ST18: variants seen among roughly 807,000 people sequenced by gnomAD.
ST18 encodes the protein ST18 C2H2C-type zinc finger transcription factor, also known as suppression of tumorigenicity 18 protein.
Under a neutral mutation model 110.0 loss-of-function variants are expected in ST18, and 50 were observed. That is an observed-to-expected ratio of 0.45 (90% CI 0.36 to 0.58). The LOEUF (loss-of-function observed/expected upper bound fraction) is 0.58, where lower values mean the gene tolerates loss of function less well. Ranked by LOEUF, ST18 falls within the 20% of genes least tolerant of loss-of-function variation. ST18 has a pLI of 0.00. For synonymous variants in ST18, 461 were observed against 452.4 expected (o/e 1.02, Z -0.24); for missense variants, 1,306 against 1,280.1 (o/e 1.02, Z -0.31).
chr8:52,342,783 A>G (rs1815744800), intron 2 of ST18, among the ~76,000 whole-genome samples: 1 of 152,126 alleles, frequency 6.6e-6, no homozygotes, highest in African/African-American at 2.4e-5. Flanking sequence ...ATCCACCTCA[A>G]TTGACTGTTG....
At chr8:52,121,581 T>C (rs757405738) in intron 23 of ST18, among the ~76,000 whole-genome samples, 2 of 152,188 alleles carry the variant, frequency 1.3e-5, no homozygotes, top group Non-Finnish European at 2.9e-5. Flanking sequence ...AACCATGAGG[T>C]AGAAACATTT....
intron 2 of ST18, among the ~76,000 whole-genome samples, chr8:52,308,528 C>T (rs1346027575): frequency 1.3e-5 from 2 of 152,242 alleles, no homozygotes; most frequent in African/African-American, 4.8e-5. Flanking sequence ...GTGTTCTCTC[C>T]ATTCTGCTCT....
chr8:52,269,252 T>C (rs1167842665), intron 2 of ST18, among the ~76,000 whole-genome samples: 2 of 152,194 alleles, frequency 1.3e-5, no homozygotes, highest in African/African-American at 4.8e-5. Context: ...TGATGAATTT[T>C]GTTGCAGAGA....
At chr8:52,335,590 T>C (rs963760165) in intron 2 of ST18, among the ~76,000 whole-genome samples, 27 of 152,232 alleles carry the variant, frequency 1.8e-4, no homozygotes, top group African/African-American at 5.3e-4. Flanking sequence ...ACAATATTTC[T>C]GGTAATTTTG....
chr8:52,371,903 G>C, intron 2 of ST18, among the ~76,000 whole-genome samples: 1 of 152,250 alleles, frequency 6.6e-6, no homozygotes, highest in Middle Eastern at 3.4e-3. Flanking sequence ...TATAATACTT[G>C]ATAATGATAA....
At chr8:52,271,284 A>T (rs1394147829) in intron 2 of ST18, among the ~76,000 whole-genome samples, 1 of 152,230 alleles carries the variant, frequency 6.6e-6, no homozygotes, top group Non-Finnish European at 1.5e-5. Flanking sequence ...TCTCTTCCAG[A>T]TTGCATTCCA....
Position 52,160,766 on chromosome 8 carries a change from T to C in ST18, c.1594+609A>G, listed in dbSNP as rs554408843. ...CATATTTGAGTTATGGTCTTCTATATGGATGTGTTAGCATTAAAGAATATT... is the reference window on the plus strand; with the variant it reads ...CATATTTGAGTTATGGTCTTCTATACGGATGTGTTAGCATTAAAGAATATT... On this transcript the variant is annotated intron_variant, in intron 14 of 25. Transcript: ENST00000689386. 5.9e-5 allele frequency among the ~76,000 whole-genome samples: 9 copies of C among 152,362 alleles called. No individual in the cohort carries two copies. In the South Asian group the frequency reaches 1.7e-3, roughly 28 times the overall value.
intron 2 of ST18, among the ~76,000 whole-genome samples, chr8:52,233,758 A>G (rs2092068333): frequency 6.6e-6 from 1 of 152,208 alleles, no homozygotes; most frequent in Non-Finnish European, 1.5e-5. Flanking sequence ...ACAGTGTCTC[A>G]TTAGCTGTGG....
rs1359204910 is a variant in ST18, at chr8:52,115,967, A to G, written c.3003+308T>C. Reference sequence around the variant, plus strand: ...GACATGGAATCTTCTACTTGGAAATACATTTTCACTGAGGGAGTTTTGCCC... The same window carrying G: ...GACATGGAATCTTCTACTTGGAAATGCATTTTCACTGAGGGAGTTTTGCCC... On this transcript the variant is annotated intron_variant, in intron 25 of 25. Coordinates refer to ENST00000689386, the MANE Select transcript of ST18 (RefSeq NM_001352837.2). 7.2e-5 allele frequency among the ~76,000 whole-genome samples: 11 copies of G among 152,284 alleles called. No individual in the cohort carries two copies. The South Asian group carries it at 2.3e-3, about 32-fold the overall frequency.
chr8:52,198,688 T>C (rs1324372073), intron 8 of ST18, among the ~76,000 whole-genome samples: 1 of 152,228 alleles, frequency 6.6e-6, no homozygotes, highest in Non-Finnish European at 1.5e-5. Flanking sequence ...TATGTGTGAG[T>C]GTGTATATGT....
intron 2 of ST18, among the ~76,000 whole-genome samples, chr8:52,298,857 C>T (rs1274932834): frequency 6.6e-6 from 1 of 152,134 alleles, no homozygotes; most frequent in Admixed American, 6.5e-5. Context: ...TGAAGATAAT[C>T]TCCCCTCTCT....
chr8:52,279,822 G>T (rs1009821299), intron 2 of ST18, among the ~76,000 whole-genome samples: 7 of 152,068 alleles, frequency 4.6e-5, no homozygotes, highest in East Asian at 1.9e-4. Flanking sequence ...CAAATTAAAA[G>T]ATTTTACTAC....
chr8:52,367,008 A>C (rs1429642806), intron 2 of ST18, among the ~76,000 whole-genome samples: 1 of 152,170 alleles, frequency 6.6e-6, no homozygotes, highest in Non-Finnish European at 1.5e-5. Context: ...TGAGGCGTGC[A>C]GATCACTTGA....
rs755584600 is a variant in ST18, at chr8:52,172,557, C to T, written c.304G>A (p.Glu102Lys). ...TCTTGTGCAGTTGAAAGAAGACTTT[C>T]ATCCATAGGTTTTATCATGATTTCC... Reference protein sequence around the residue: ...AEEIMIKPMDESLLSTAQENS... With the variant: ...AEEIMIKPMDKSLLSTAQENS... The change falls in exon 10 of 26, where the codon GAA (glutamate) becomes AAA (lysine). Residue 102 changes from glutamate to lysine, a missense_variant. Physicochemically the swap from Glu to Lys is moderately conservative, Grantham distance 56. Transcript: ENST00000689386. 6.3e-7 allele frequency: 1 copy of T among 1,591,064 alleles called. No individual in the cohort carries two copies. Among genetic ancestry groups the T allele is most frequent in the East Asian group, 2.2e-5 (1 of 44,672 alleles).
intron 2 of ST18, among the ~76,000 whole-genome samples, chr8:52,349,609 A>T (rs1263196172): frequency 6.6e-6 from 1 of 152,224 alleles, no homozygotes; most frequent in African/African-American, 2.4e-5. Context: ...CAAATATAAA[A>T]GTGTGAGAAT....
chr8:52,170,160 G>A (rs1314000979), intron 10 of ST18, among the ~76,000 whole-genome samples: 3 of 152,132 alleles, frequency 2.0e-5, no homozygotes, highest in Admixed American at 6.6e-5. Flanking sequence ...TTAAACTATC[G>A]CATACTCTTC....
intron 2 of ST18, among the ~76,000 whole-genome samples, chr8:52,367,988 C>T (rs1219503789): frequency 6.6e-6 from 1 of 152,152 alleles, no homozygotes; most frequent in Non-Finnish European, 1.5e-5. Context: ...AGGATTATAA[C>T]ATCATTTTCA....
intron 22 of ST18, among the ~76,000 whole-genome samples, chr8:52,130,151 G>GAAAGAAAGAAAA (rs1252114606): frequency 1.3e-5 from 2 of 150,414 alleles, no homozygotes; most frequent in East Asian, 3.9e-4. Flanking sequence ...AAGAAAGAAA[G>GAAAGAAAGAAAA]AAAGAAAGAA....
At chr8:52,200,249 A>AT (rs956861604) in intron 8 of ST18, among the ~76,000 whole-genome samples, 2 of 152,326 alleles carry the variant, frequency 1.3e-5, no homozygotes, top group South Asian at 2.1e-4. Flanking sequence ...AAGGTGACAA[A>AT]TTTTTTTCAT....
Sources: gnomAD v4.1 joint callset for allele counts (sites outside exome capture counted in the v4.1 genomes callset) on GRCh38, gnomAD v4.1.1 for gene constraint, MANE v1.5 for transcripts, NCBI Gene and HGNC (gene_info 2026-07-23, HGNC 2026-07-21) for gene names.